Variants in HIPK3 observed in about 807,000 individuals in gnomAD.
HIPK3 encodes the protein homeodomain interacting protein kinase 3.
In HIPK3, 47 loss-of-function variants were observed where a neutral mutation model predicts 124.2. The ratio of observed to expected loss-of-function variants is 0.38; its 90% CI spans 0.30 to 0.48. The LOEUF (loss-of-function observed/expected upper bound fraction) is 0.48. Among genes scored for constraint, HIPK3 ranks in the 20% least tolerant of loss-of-function variants. HIPK3 has a pLI of 0.98. For missense variants in HIPK3, 1,286 were observed against 1,454.3 expected (o/e 0.88, Z 1.88); for synonymous variants, 482 against 515.2 (o/e 0.94, Z 0.87).
intron 2 of HIPK3, among the ~76,000 whole-genome samples, chr11:33,291,222 A>C (rs1311778686): frequency 6.6e-6 from 1 of 152,208 alleles, no homozygotes; most frequent in Admixed American, 6.5e-5. Context: ...GTTTATGACT[A>C]GGTTACTTAT....
intron 2 of HIPK3, among the ~76,000 whole-genome samples, chr11:33,325,757 G>T (rs56296290): frequency 5.3e-5 from 8 of 152,198 alleles, no homozygotes; most frequent in Non-Finnish European, 8.8e-5. Context: ...AAGGGATAAG[G>T]TCTCCATCTT....
intron 1 of HIPK3, among the ~76,000 whole-genome samples, chr11:33,285,645 T>A (rs1269388180): frequency 6.6e-6 from 1 of 151,880 alleles, no homozygotes; most frequent in Non-Finnish European, 1.5e-5. Context: ...ATTCTTGGGC[T>A]TTAGGTTTAA....
chr11:33,340,844 G>A (rs1853311151), intron 6 of HIPK3, 124 bp from the exon 7 acceptor site: 2 of 523,796 alleles, frequency 3.8e-6, no homozygotes, highest in African/African-American at 2.0e-5. Flanking sequence ...TTGGAAATAA[G>A]CAGATTAAGT....
intron 1 of HIPK3, among the ~76,000 whole-genome samples, chr11:33,262,089 A>G (rs1451969127): frequency 6.6e-6 from 1 of 152,222 alleles, no homozygotes; most frequent in Admixed American, 6.5e-5. Flanking sequence ...TTAAAAATAT[A>G]TATCTTGCCT....
intron 2 of HIPK3, among the ~76,000 whole-genome samples, chr11:33,320,101 A>T (rs1852620921): frequency 6.6e-6 from 1 of 152,230 alleles, no homozygotes; most frequent in African/African-American, 2.4e-5. Context: ...TGAAACAGTA[A>T]GGAGACTAAT....
chr11:33,336,716 T>C (rs1853159972), intron 3 of HIPK3, among the ~76,000 whole-genome samples: 1 of 152,200 alleles, frequency 6.6e-6, no homozygotes, highest in African/African-American at 2.4e-5. Context: ...AATGTGAGGT[T>C]ATTCTCTCTT....
chr11:33,349,280 C>A lies in HIPK3; in HGVS notation c.2800C>A (p.Pro934Thr). 6.2e-7 allele frequency: 1 copy of A among 1,610,538 alleles called. No individual in the cohort carries two copies. The highest frequency in any genetic ancestry group is 8.5e-7 in the Non-Finnish European group (1 of 1,178,694). ...GQSSPSPCKR[P>T]NSMSDEEQES... ...GTCCAGCCCATCCCCCTGCAAGAGA[C>A]CGAATAGGTAAAAGAATCTCAATAG... Residue 934 changes from proline (P) to threonine (T), a missense_variant, in exon 14 of 17, where the codon CCG (proline) becomes ACG (threonine). Around this residue, in one of 3 missense-constraint regions of HIPK3, gnomAD observed 810 missense variants for 864.9 expected, o/e 0.94. Transcript: ENST00000303296.
In HIPK3 at chr11:33,328,630, T is replaced by A; in HGVS notation, c.1218T>A (p.Asp406Glu). The change falls in exon 3 of 17, where the codon GAT (aspartate) becomes GAA (glutamate). Residue 406 changes from aspartate to glutamate, a missense_variant. Asp to Glu is a conservative substitution (Grantham distance 45). Transcript: ENST00000303296. ...WPLYPGALEY[D>E]QIRYISQTQG... ...TCTACCCAGGAGCCTTGGAGTATGA[T>A]CAGGTAACAAATAATGATAATCTAA... is the stretch of plus-strand genomic sequence containing the variant. The A allele has an allele frequency of 6.2e-7, 1 of 1,613,038 alleles. No individual in the cohort carries two copies. The highest frequency in any genetic ancestry group is 8.5e-7 in the Non-Finnish European group (1 of 1,179,262).
rs1196654937 is a variant in HIPK3, at chr11:33,282,905, T to C, written c.-2-3508T>C. Among the ~76,000 whole-genome samples, 4 of 152,110 alleles carry C rather than the reference T, an allele frequency of 2.6e-5. No individual in the cohort carries two copies. In the East Asian group the frequency reaches 7.7e-4, roughly 29 times the overall value. On this transcript the variant is annotated intron_variant, in intron 1 of 16. Coordinates refer to ENST00000303296, the MANE Select transcript of HIPK3 (RefSeq NM_005734.5). The stretch of plus-strand genomic sequence containing the variant: ...CCAGCGTGGGCAATACAGTGAGACC[T>C]AGTCTCTTAGAAAAACTATTGCAGA...
At chr11:33,268,584 C>A (rs1046499521) in intron 1 of HIPK3, among the ~76,000 whole-genome samples, 18 of 122,950 alleles carry the variant, frequency 1.5e-4, no homozygotes, top group African/African-American at 5.3e-4. Flanking sequence ...GAGTAAGACT[C>A]CGTCACCAAA....
chr11:33,305,497 T>G (rs774220528), intron 2 of HIPK3, among the ~76,000 whole-genome samples: 1 of 152,202 alleles, frequency 6.6e-6, no homozygotes, highest in African/African-American at 2.4e-5. Flanking sequence ...ATAATTACCC[T>G]TTACTCTGAC....
intron 2 of HIPK3, 149 bp from the exon 3 acceptor site, chr11:33,328,361 T>C: frequency 1.5e-6 from 1 of 669,910 alleles, no homozygotes; most frequent in African/African-American, 1.8e-5. Flanking sequence ...GGATTATGTC[T>C]AGGTTTCAAA....
intron 2 of HIPK3, among the ~76,000 whole-genome samples, chr11:33,300,137 C>T (rs1256188996): frequency 6.6e-6 from 1 of 151,894 alleles, no homozygotes; most frequent in African/African-American, 2.4e-5. Flanking sequence ...GTCAGGAGTT[C>T]GAGACCAGCC....
At chr11:33,291,139 A>C (rs1174068248) in intron 2 of HIPK3, among the ~76,000 whole-genome samples, 2 of 152,176 alleles carry the variant, frequency 1.3e-5, no homozygotes, top group Non-Finnish European at 2.9e-5. Context: ...ATTTTGCATG[A>C]AAATGGCAGA....
At chr11:33,327,531 G>C (rs1006029273) in intron 2 of HIPK3, among the ~76,000 whole-genome samples, 1 of 152,114 alleles carries the variant, frequency 6.6e-6, no homozygotes, top group African/African-American at 2.4e-5. Context: ...AAACTTAAAT[G>C]GAGTCTGAAG....
At position 33,348,022 on chromosome 11, in the gene HIPK3, T is replaced by G. The variant is rs1853550470; in HGVS notation, c.2306+9T>G. ...AAACAGTGCCAGAACAGGTTGGTAT[T>G]GGTGCTTTAGCTTTCCTCTGCATTT... On this transcript the variant is annotated intron_variant, in intron 11 of 16. Coordinates refer to ENST00000303296, the MANE Select transcript of HIPK3 (RefSeq NM_005734.5). The G allele has an allele frequency of 6.2e-7, 1 of 1,613,898 alleles. No homozygotes were observed. The highest frequency in any genetic ancestry group is 1.7e-5 in the Admixed American group (1 of 59,988).
At chr11:33,344,694 G>A (rs1304625842) in intron 8 of HIPK3, among the ~76,000 whole-genome samples, 1 of 152,202 alleles carries the variant, frequency 6.6e-6, no homozygotes, top group African/African-American at 2.4e-5. Context: ...AGAATTACTA[G>A]TGAGAAGAAG....
chr11:33,317,102 C>T (rs1852524695), intron 2 of HIPK3, among the ~76,000 whole-genome samples: 6 of 151,842 alleles, frequency 4.0e-5, no homozygotes, highest in Admixed American at 3.9e-4. Flanking sequence ...TCCCTAATAG[C>T]TGGAATTACA....
At chr11:33,307,666 A>G (rs1220092991) in intron 2 of HIPK3, among the ~76,000 whole-genome samples, 1 of 151,210 alleles carries the variant, frequency 6.6e-6, no homozygotes, top group Non-Finnish European at 1.5e-5. Flanking sequence ...TCGGCCTCCC[A>G]AAGTGCTGGG....
Sources: gnomAD v4.1 joint callset for allele counts (sites outside exome capture counted in the v4.1 genomes callset) on GRCh38, gnomAD v4.1.1 for gene constraint, gnomAD v4.1.1 regional missense constraint, MANE v1.5 for transcripts, NCBI Gene and HGNC (gene_info 2026-07-23, HGNC 2026-07-21) for gene names.